The following STX8 variants were observed in gnomAD, a reference collection of about 807,000 sequenced individuals.
STX8 encodes the protein syntaxin 8, also known as syntaxin-8.
STX8 carries 23 observed loss-of-function variants against 37.5 expected under a neutral mutation model. That is an observed-to-expected ratio of 0.61 (90% CI 0.44 to 0.87). STX8 has a LOEUF of 0.87. Ranked by LOEUF, STX8 falls within the 40% of genes least tolerant of loss-of-function variation. The pLI is 0.00. For missense variants in STX8, 313 were observed against 284.7 expected (o/e 1.10, Z -0.71); for synonymous variants, 115 against 99.1 (o/e 1.16, Z -0.95).
intron 6 of STX8, among the ~76,000 whole-genome samples, chr17:9,392,782 G>A (rs893426719): frequency 4.6e-5 from 7 of 152,122 alleles, no homozygotes; most frequent in African/African-American, 1.7e-4. Context: ...TAGCAGAATG[G>A]ACATGATACA....
chr17:9,331,914 G>A (rs1909974438), intron 7 of STX8, among the ~76,000 whole-genome samples: 1 of 152,190 alleles, frequency 6.6e-6, no homozygotes, highest in Non-Finnish European at 1.5e-5. Flanking sequence ...AAAAAGTGCA[G>A]AGGAATTCTT....
intron 2 of STX8, 150 bp downstream of exon 2, chr17:9,568,221 A>G: frequency 1.7e-6 from 1 of 573,788 alleles, no homozygotes. Flanking sequence ...CATCACTACT[A>G]ACTGGTTGGG....
At chr17:9,427,539 G>T (rs746372713) in intron 6 of STX8, among the ~76,000 whole-genome samples, 7 of 152,164 alleles carry the variant, frequency 4.6e-5, no homozygotes, top group Admixed American at 1.3e-4. Flanking sequence ...AAATCCCTCT[G>T]TAACTCTGTA....
chr17:9,411,348 C>T (rs1912972182), intron 6 of STX8, among the ~76,000 whole-genome samples: 1 of 152,154 alleles, frequency 6.6e-6, no homozygotes. Context: ...TAGAACTTTC[C>T]CAAGCACCTT....
chr17:9,382,171 T>A (rs200166205), intron 6 of STX8, among the ~76,000 whole-genome samples: 1 of 146,972 alleles, frequency 6.8e-6, no homozygotes, highest in African/African-American at 2.5e-5. Flanking sequence ...AAGAAAACAC[T>A]CACACACACA....
chr17:9,357,282 C>T (rs1196588199), intron 7 of STX8, among the ~76,000 whole-genome samples: 1 of 152,028 alleles, frequency 6.6e-6, no homozygotes, highest in Non-Finnish European at 1.5e-5. Context: ...TAACAGTATT[C>T]TAACAAGTTG....
intron 7 of STX8, among the ~76,000 whole-genome samples, chr17:9,294,740 C>T (rs563562899): frequency 1.3e-5 from 2 of 152,226 alleles, no homozygotes; most frequent in South Asian, 2.1e-4. Context: ...TGTTGAAGCC[C>T]AAATCCTCAA....
intron 6 of STX8, among the ~76,000 whole-genome samples, chr17:9,485,522 A>T (rs1047931346): frequency 1.3e-5 from 2 of 152,184 alleles, no homozygotes; most frequent in Non-Finnish European, 2.9e-5. Flanking sequence ...AGACAGTATC[A>T]CAGAGGAAAA....
chr17:9,501,664 C>T (rs998675144), intron 5 of STX8, among the ~76,000 whole-genome samples: 11 of 150,140 alleles, frequency 7.3e-5, no homozygotes, highest in Admixed American at 6.7e-4. Context: ...GCACTCCAGC[C>T]TGGGCAACAG....
At chr17:9,491,601 A>G (rs1906852518) in intron 6 of STX8, among the ~76,000 whole-genome samples, 3 of 152,214 alleles carry the variant, frequency 2.0e-5, no homozygotes, top group South Asian at 4.1e-4. Context: ...CAGTATTGTT[A>G]AAAGCAGCTA....
chr17:9,476,607 C>T (rs1405040129), intron 6 of STX8, among the ~76,000 whole-genome samples: 1 of 152,050 alleles, frequency 6.6e-6, no homozygotes, highest in Non-Finnish European at 1.5e-5. Flanking sequence ...CACATGCCAC[C>T]ACACCCAGCT....
intron 6 of STX8, among the ~76,000 whole-genome samples, chr17:9,415,325 G>A (rs1055630124): frequency 4.6e-5 from 7 of 151,938 alleles, no homozygotes; most frequent in Admixed American, 2.0e-4. Context: ...TGATGTTGAC[G>A]CCCTCCCTAG....
intron 6 of STX8, among the ~76,000 whole-genome samples, chr17:9,422,168 G>T (rs555283141): frequency 1.3e-5 from 2 of 151,054 alleles, no homozygotes; most frequent in South Asian, 4.2e-4. Context: ...GCAATGGCGC[G>T]ATCTTGGCTC....
chr17:9,311,521 GTTT>G (rs922834447), intron 7 of STX8, among the ~76,000 whole-genome samples: 2 of 152,144 alleles, frequency 1.3e-5, no homozygotes, highest in Non-Finnish European at 2.9e-5. Flanking sequence ...AGAAAGAAAT[GTTT>G]TTAATATCCA....
chr17:9,281,845 A>G (rs1450759383), intron 7 of STX8, among the ~76,000 whole-genome samples: 1 of 152,136 alleles, frequency 6.6e-6, no homozygotes, highest in Non-Finnish European at 1.5e-5. Context: ...GAGGCAGGAG[A>G]ATCGCTTGAA....
chr17:9,518,371 C>G (rs978315736), intron 4 of STX8, among the ~76,000 whole-genome samples: 1 of 152,140 alleles, frequency 6.6e-6, no homozygotes, highest in Admixed American at 6.5e-5. Context: ...TATTATCCCC[C>G]TTTCCATGAA....
intron 7 of STX8, among the ~76,000 whole-genome samples, chr17:9,265,123 GAAAAAAAA>G (rs61526336): frequency 1.4e-5 from 1 of 72,510 alleles, no homozygotes; most frequent in South Asian, 5.3e-4. Context: ...AGTCTGAAAA[GAAAAAAAA>G]AAAAAAAAAA....
At chr17:9,536,344 C>A (rs1035313030) in intron 4 of STX8, among the ~76,000 whole-genome samples, 1 of 152,170 alleles carries the variant, frequency 6.6e-6, no homozygotes, top group African/African-American at 2.4e-5. Flanking sequence ...GAGACAGCAA[C>A]TACCCGAAGC....
At chr17:9,288,675 A>AAAATAAATAAAT (rs560148486) in intron 7 of STX8, among the ~76,000 whole-genome samples, 3 of 150,928 alleles carry the variant, frequency 2.0e-5, no homozygotes, top group African/African-American at 7.3e-5. Flanking sequence ...ATAAATAAAT[A>AAAATAAATAAAT]AAATAAATAA....
Sources: gnomAD v4.1 joint callset for allele counts (sites outside exome capture counted in the v4.1 genomes callset) on GRCh38, gnomAD v4.1.1 for gene constraint, MANE v1.5 for transcripts, NCBI Gene and HGNC (gene_info 2026-07-23, HGNC 2026-07-21) for gene names.